Variants in STAU2 observed in about 807,000 individuals in gnomAD.
STAU2 encodes staufen double-stranded RNA binding protein 2, also known as double-stranded RNA-binding protein Staufen homolog 2.
STAU2 carries 20 observed loss-of-function variants against 65.9 expected under a neutral mutation model. The observed-to-expected ratio is 0.30, with a 90% confidence interval of 0.21 to 0.44. The LOEUF is 0.44. STAU2 is among the 20% of genes least tolerant of loss of function. The pLI is 1.00. For synonymous variants in STAU2, 232 were observed against 233.9 expected (o/e 0.99, Z 0.07); for missense variants, 558 against 683.9 (o/e 0.82, Z 2.05).
chr8:73,540,285 G>A (rs148065390), intron 13 of STAU2, among the ~76,000 whole-genome samples: 1 of 152,334 alleles, frequency 6.6e-6, no homozygotes, highest in East Asian at 1.9e-4. Context: ...AGAAGGCCAT[G>A]TGAAGATGGA....
intron 13 of STAU2, among the ~76,000 whole-genome samples, chr8:73,450,218 G>C (rs1395847140): frequency 6.6e-6 from 1 of 152,222 alleles, no homozygotes; most frequent in Non-Finnish European, 1.5e-5. Context: ...ACCAACTGGA[G>C]ATCTTTTTAG....
rs146934356 is a variant in STAU2, at chr8:73,544,390, A to G, written c.1530+7622T>C. On this transcript the variant is annotated intron_variant, in intron 13 of 14. Transcript: ENST00000524300. ...GACAGAATTATCTTTCTGTTAACCAATCATGTCACATCTCTTTTAAAGATA... is the reference window on the plus strand; with the variant it reads ...GACAGAATTATCTTTCTGTTAACCAGTCATGTCACATCTCTTTTAAAGATA... Among the ~76,000 whole-genome samples the G allele has an allele frequency of 2.4e-3, 368 of 152,312 alleles. 3 individuals carry two copies. Among genetic ancestry groups the G allele is most frequent in the African/African-American group, 8.2e-3 (341 of 41,564 alleles).
intron 3 of STAU2, among the ~76,000 whole-genome samples, chr8:73,715,696 C>A (rs560002900): frequency 1.4e-4 from 21 of 152,084 alleles, no homozygotes; most frequent in African/African-American, 4.6e-4. Flanking sequence ...AGGATTCATA[C>A]TACAGGAAGA....
At chr8:73,463,982 T>C (rs991395405) in intron 13 of STAU2, among the ~76,000 whole-genome samples, 3 of 152,192 alleles carry the variant, frequency 2.0e-5, no homozygotes, top group Admixed American at 1.3e-4. Context: ...TTCTTCTCAC[T>C]GAAGGCCAGA....
chr8:73,464,839 A>G (rs1416844230), intron 13 of STAU2, among the ~76,000 whole-genome samples: 1 of 152,256 alleles, frequency 6.6e-6, no homozygotes, highest in Admixed American at 6.5e-5. Flanking sequence ...CCTGCAAATA[A>G]AAACGATCTC....
At chr8:73,535,327 G>A (rs185937450) in intron 13 of STAU2, among the ~76,000 whole-genome samples, 4,044 of 152,038 alleles carry the variant, frequency 0.027, 201 homozygotes, top group African/African-American at 0.09. Context: ...CCACCACCAC[G>A]CCTGGCTAAT....
At chr8:73,582,686 A>G in intron 12 of STAU2, 84 bp downstream of exon 12, 1 of 1,343,506 alleles carries the variant, frequency 7.4e-7, no homozygotes, top group Non-Finnish European at 1.1e-6. Flanking sequence ...TCAGACCCAG[A>G]CAGACCCAAC....
chr8:73,614,987 G>A (rs1812727031), intron 8 of STAU2, among the ~76,000 whole-genome samples: 1 of 152,154 alleles, frequency 6.6e-6, no homozygotes, highest in Admixed American at 6.5e-5. Context: ...CTGCCAATGA[G>A]TAAGATGTGG....
rs968403109 is a variant in STAU2 at position 73,690,546 on chromosome 8, C to T, written c.115-1733G>A. 2.0e-5 allele frequency among the ~76,000 whole-genome samples: 3 copies of T among 152,180 alleles called. 1 individual carries two copies. The highest frequency in any genetic ancestry group is 7.2e-5 in the African/African-American group (3 of 41,514). On this transcript the variant is annotated intron_variant, in intron 4 of 14. Coordinates refer to ENST00000524300, the MANE Select transcript of STAU2 (RefSeq NM_001164380.2). ...TTAACAGTATTGTGATTATGAAGAA[C>T]GTCTTTAGTCTTACAAGATAGATAT...
intron 6 of STAU2, among the ~76,000 whole-genome samples, chr8:73,654,569 G>C (rs983451943): frequency 4.5e-5 from 6 of 134,510 alleles, no homozygotes; most frequent in Non-Finnish European, 9.2e-5. Context: ...GAGACCAGAA[G>C]GTCATGGCTG....
At chr8:73,580,140 T>C (rs1007306844) in intron 12 of STAU2, among the ~76,000 whole-genome samples, 6 of 152,202 alleles carry the variant, frequency 3.9e-5, no homozygotes, top group Non-Finnish European at 1.5e-5. Context: ...TGGCTAAAAA[T>C]TTGATCTTTA....
At position 73,437,628 on chromosome 8, in the gene STAU2, GA is replaced by G. The variant is rs1817808442; in HGVS notation, c.1531-14927del. Among the ~76,000 whole-genome samples, 6 of 152,312 alleles carry G rather than the reference GA, an allele frequency of 3.9e-5. No individual in the cohort carries two copies. In the South Asian group the frequency reaches 1.2e-3, roughly 32 times the overall value. On this transcript the variant is annotated intron_variant, in intron 13 of 14. Transcript: ENST00000524300. ...GTGGCAATTTGTCACCACAGTCATGGAAAAATGAATATACATCTTTTTAAGG... is the reference window on the plus strand; with the variant it reads ...GTGGCAATTTGTCACCACAGTCATGGAAAATGAATATACATCTTTTTAAGG...
intron 11 of STAU2, among the ~76,000 whole-genome samples, chr8:73,588,210 G>T (rs1465663248): frequency 6.6e-6 from 1 of 152,214 alleles, no homozygotes; most frequent in Non-Finnish European, 1.5e-5. Context: ...CAAGCAAAAT[G>T]AATTCTAGTG....
intron 6 of STAU2, among the ~76,000 whole-genome samples, chr8:73,666,964 TAA>T (rs1817285066): frequency 6.6e-6 from 1 of 152,202 alleles, no homozygotes; most frequent in South Asian, 2.1e-4. Flanking sequence ...TAAAGAGTGA[TAA>T]AATGACTCCT....
intron 1 of STAU2, chr8:73,742,138 A>G (rs1806929209): frequency 5.6e-6 from 5 of 896,924 alleles, no homozygotes; most frequent in Non-Finnish European, 6.7e-6. Flanking sequence ...TACTTTAAAG[A>G]CACGCCCAGT....
chr8:73,625,515 A>G (rs1813571773), intron 6 of STAU2, among the ~76,000 whole-genome samples: 1 of 152,230 alleles, frequency 6.6e-6, no homozygotes, highest in African/African-American at 2.4e-5. Flanking sequence ...CCATAGAGAC[A>G]GAAAGTAGAT....
intron 12 of STAU2, among the ~76,000 whole-genome samples, chr8:73,562,846 C>T (rs979177549): frequency 1.3e-5 from 2 of 152,042 alleles, no homozygotes; most frequent in Admixed American, 6.6e-5. Flanking sequence ...GGTGCAGTGG[C>T]TCACACCTAT....
intron 13 of STAU2, among the ~76,000 whole-genome samples, chr8:73,500,434 A>C (rs1268580162): frequency 6.6e-6 from 1 of 151,826 alleles, no homozygotes; most frequent in Non-Finnish European, 1.5e-5. Context: ...GGTTATTTGA[A>C]TCCACAGATG....
chr8:73,735,404 G>C (rs1806364732), intron 3 of STAU2, among the ~76,000 whole-genome samples: 1 of 152,092 alleles, frequency 6.6e-6, no homozygotes, highest in Admixed American at 6.5e-5. Flanking sequence ...GTAACAAGAA[G>C]GGGGGGTCTC....
Sources: gnomAD v4.1 joint callset for allele counts (sites outside exome capture counted in the v4.1 genomes callset) on GRCh38, gnomAD v4.1.1 for gene constraint, MANE v1.5 for transcripts, NCBI Gene and HGNC (gene_info 2026-07-23, HGNC 2026-07-21) for gene names.